CBR4: variants seen among roughly 807,000 people sequenced by gnomAD.
The protein encoded by CBR4 is 3-oxoacyl-[acyl-carrier-protein] reductase.
CBR4 carries 22 observed loss-of-function variants against 21.0 expected under a neutral mutation model. That is an observed-to-expected ratio of 1.05 (90% CI 0.75 to 1.50). The LOEUF is 1.50. Among genes scored for constraint, CBR4 ranks in the 40% most tolerant of loss-of-function variants. The pLI is 0.00. For missense variants in CBR4, 302 were observed against 286.3 expected, an observed-to-expected ratio of 1.05 and a Z score of -0.40; for synonymous variants, 100 against 104.4, an observed-to-expected ratio of 0.96 and a Z score of 0.26.
chr4:168,895,371 A>T (rs986745246), intron 2 of CBR4, among the ~76,000 whole-genome samples: 14 of 152,174 alleles, frequency 9.2e-5, no homozygotes, highest in Non-Finnish European at 1.9e-4. Flanking sequence ...GCAGAGTGAG[A>T]CTTCGTCTCC....
chr4:168,973,213 G>A (rs1322950508), intron 2 of CBR4, among the ~76,000 whole-genome samples: 1 of 152,032 alleles, frequency 6.6e-6, no homozygotes, highest in Non-Finnish European at 1.5e-5. Flanking sequence ...TGTTTATTGG[G>A]GATATTGATA....
chr4:168,960,873 A>G (rs1015909312), intron 2 of CBR4, among the ~76,000 whole-genome samples: 2 of 152,206 alleles, frequency 1.3e-5, no homozygotes, highest in African/African-American at 4.8e-5. Context: ...GGTGGCATCT[A>G]TTTCAACTTA....
chr4:168,939,196 C>A (rs188276269), intron 2 of CBR4, among the ~76,000 whole-genome samples: 9 of 152,256 alleles, frequency 5.9e-5, no homozygotes, highest in Admixed American at 1.3e-4. Flanking sequence ...ATGACAAAAA[C>A]CACATGATTA....
At chr4:168,916,722 C>A (rs1283474671) in intron 2 of CBR4, among the ~76,000 whole-genome samples, 11 of 145,222 alleles carry the variant, frequency 7.6e-5, no homozygotes, top group African/African-American at 2.8e-4. Context: ...CACTCTGTCA[C>A]CAGGCTGGAG....
chr4:169,000,603 TA>T (rs1730351015), intron 4 of CBR4, among the ~76,000 whole-genome samples: 1 of 152,124 alleles, frequency 6.6e-6, no homozygotes, highest in South Asian at 2.1e-4. Flanking sequence ...CAAACCAAAA[TA>T]AACTGCCTTT....
At chr4:168,896,952 C>T (rs1755327554) in intron 2 of CBR4, among the ~76,000 whole-genome samples, 1 of 152,184 alleles carries the variant, frequency 6.6e-6, no homozygotes. Flanking sequence ...CTGCCTCAGC[C>T]TCCCAAGTAG....
At position 169,006,905 on chromosome 4, in the gene CBR4, CAGCATATAAT is replaced by C. The variant is rs200904644; in HGVS notation, c.264-24_264-15del. On this transcript the variant is annotated splice_polypyrimidine_tract_variant and intron_variant, in intron 2 of 4. Coordinates refer to ENST00000306193, the MANE Select transcript of CBR4 (RefSeq NM_032783.5). ...AAAAGACCATCCCTACAAAAAGAAA[CAGCATATAAT>C]AGCATATAATAACAAGATAAAAACC... The C allele has an allele frequency of 4.7e-3, 7,611 of 1,603,038 alleles. 50 individuals carry two copies. The highest frequency in any genetic ancestry group is 0.016 in the African/African-American group (1,186 of 74,674).
intron 2 of CBR4, among the ~76,000 whole-genome samples, chr4:168,977,000 A>G (rs1201351618): frequency 1.3e-5 from 2 of 152,172 alleles, no homozygotes; most frequent in Non-Finnish European, 2.9e-5. Context: ...CCCCCCTCAC[A>G]CTTTGGGAAC....
chr4:168,953,719 C>G (rs1417350323), intron 2 of CBR4, among the ~76,000 whole-genome samples: 2 of 152,024 alleles, frequency 1.3e-5, no homozygotes, highest in Non-Finnish European at 2.9e-5. Flanking sequence ...CCACAATGTC[C>G]AGCCCAATCT....
At chr4:168,948,152 G>A (rs1235023250) in intron 2 of CBR4, among the ~76,000 whole-genome samples, 1 of 152,134 alleles carries the variant, frequency 6.6e-6, no homozygotes, top group Non-Finnish European at 1.5e-5. Context: ...TTTTTCGTAT[G>A]TTTGTTGGCC....
chr4:168,942,425 A>T (rs1763290009), intron 2 of CBR4, among the ~76,000 whole-genome samples: 3 of 152,124 alleles, frequency 2.0e-5, no homozygotes. Context: ...AAAAGAAAAC[A>T]AAGAAAAAAG....
intron 2 of CBR4, chr4:168,914,168 A>T: frequency 1.5e-6 from 1 of 673,204 alleles, no homozygotes; most frequent in South Asian, 1.7e-5. Flanking sequence ...TGGCTCCTTG[A>T]TTATTATGCT....
At chr4:168,920,953 C>G (rs1761358934) in intron 2 of CBR4, among the ~76,000 whole-genome samples, 2 of 152,148 alleles carry the variant, frequency 1.3e-5, no homozygotes, top group African/African-American at 4.8e-5. Flanking sequence ...CTCCATAGCC[C>G]TGGGCAAGGT....
intron 2 of CBR4, chr4:168,915,796 A>T: frequency 1.1e-6 from 1 of 905,568 alleles, no homozygotes; most frequent in Admixed American, 1.9e-5. Context: ...TAAGGAAATC[A>T]TATTATTACC....
intron 2 of CBR4, among the ~76,000 whole-genome samples, chr4:168,912,581 T>G (rs1322241412): frequency 6.6e-6 from 1 of 152,196 alleles, no homozygotes; most frequent in Non-Finnish European, 1.5e-5. Flanking sequence ...TATCAAACTC[T>G]TTTTTTGCTT....
intron 4 of CBR4, among the ~76,000 whole-genome samples, chr4:168,991,513 A>T (rs1764922109): frequency 6.6e-6 from 1 of 152,252 alleles, no homozygotes; most frequent in African/African-American, 2.4e-5. Flanking sequence ...TTCTGATACA[A>T]GTAAACATAG....
chr4:168,924,203 T>C, intron 2 of CBR4: 1 of 1,514,218 alleles, frequency 6.6e-7, no homozygotes, highest in African/African-American at 1.4e-5. Context: ...GAATTCTTTC[T>C]AGTGCTCCTT....
chr4:168,974,782 CT>C (rs1264946492), intron 2 of CBR4, among the ~76,000 whole-genome samples: 1 of 152,034 alleles, frequency 6.6e-6, no homozygotes, highest in Non-Finnish European at 1.5e-5. Flanking sequence ...ATATCTATTT[CT>C]CTGGAGACTG....
rs756602224 is a variant in CBR4 at position 169,006,853 on chromosome 4, A to G, written c.302T>C (p.Val101Ala). The G allele has an allele frequency of 1.1e-5, 17 of 1,612,752 alleles. No individual in the cohort carries two copies. In the East Asian group the frequency reaches 3.8e-4, roughly 36 times the overall value. The change falls in exon 3 of 5, where the codon GTA becomes GCA. Residue 101 changes from valine (V) to alanine (A), a missense_variant. Coordinates refer to ENST00000306193, the MANE Select transcript of CBR4 (RefSeq NM_032783.5). The stretch of plus-strand genomic sequence containing the variant: ...CAAGAGGTTAGTATGAAGCTGAGAT[A>G]CCATATCTTCAGTTTTTGTTCTTAC... ...LLVRTKTEDM[V>A]SQLHTNLLGS...
Sources: allele counts gnomAD v4.1 joint callset (sites outside exome capture counted in the v4.1 genomes callset), GRCh38; gene constraint gnomAD v4.1.1; transcripts MANE v1.5; gene names NCBI Gene and HGNC (gene_info 2026-07-23, HGNC 2026-07-21).